SUGCT: variants seen among roughly 807,000 people sequenced by gnomAD.
The protein encoded by SUGCT is succinyl-CoA:glutarate CoA-transferase.
SUGCT carries 41 observed loss-of-function variants against 55.0 expected under a neutral mutation model. That is an observed-to-expected ratio of 0.74 (90% CI 0.58 to 0.97). The LOEUF is 0.97. Among genes scored for constraint, SUGCT ranks in the 50% least tolerant of loss-of-function variants. SUGCT has a pLI of 0.00. For synonymous variants in SUGCT, 187 were observed against 200.4 expected, an observed-to-expected ratio of 0.93 and a Z score of 0.56; for missense variants, 568 against 547.8, an observed-to-expected ratio of 1.04 and a Z score of -0.37.
intron 7 of SUGCT, among the ~76,000 whole-genome samples, chr7:40,249,344 T>TATATAAAA (rs1172651937): frequency 7.0e-5 from 9 of 128,110 alleles, no homozygotes; most frequent in African/African-American, 2.9e-4. Flanking sequence ...TATATATATA[T>TATATAAAA]ATAATTATAT....
chr7:40,479,724 G>A (rs1790917030), intron 11 of SUGCT, among the ~76,000 whole-genome samples: 1 of 152,058 alleles, frequency 6.6e-6, no homozygotes, highest in Non-Finnish European at 1.5e-5. Flanking sequence ...TAACAGATTT[G>A]AGGTGATATC....
At chr7:40,804,288 A>T (rs1790974099) in intron 13 of SUGCT, among the ~76,000 whole-genome samples, 1 of 152,186 alleles carries the variant, frequency 6.6e-6, no homozygotes, top group Non-Finnish European at 1.5e-5. Flanking sequence ...GCATTGATCT[A>T]GTTCTTTTAT....
chr7:41,012,698 T>C, the SUGCT span, among the ~76,000 whole-genome samples: 15 of 152,060 alleles, frequency 9.9e-5, no homozygotes, highest in Admixed American at 6.6e-4. Context: ...CTAAGATTCA[T>C]GGACATTTAG....
chr7:40,681,468 C>T (rs1784240274), intron 12 of SUGCT, among the ~76,000 whole-genome samples: 1 of 152,126 alleles, frequency 6.6e-6, no homozygotes, highest in Admixed American at 6.6e-5. Context: ...CTGGGGCCCA[C>T]TTTCTCCGTA....
At chr7:40,137,242 G>A (rs1430430836) in intron 1 of SUGCT, among the ~76,000 whole-genome samples, 2 of 152,098 alleles carry the variant, frequency 1.3e-5, no homozygotes, top group South Asian at 2.1e-4. Flanking sequence ...ATCTTCCCAC[G>A]TCAGTCTCCC....
chr7:40,646,121 A>T (rs1414192550), intron 12 of SUGCT, among the ~76,000 whole-genome samples: 1 of 152,170 alleles, frequency 6.6e-6, no homozygotes, highest in African/African-American at 2.4e-5. Flanking sequence ...TCAAGCAAGA[A>T]TCCTAGCAAT....
intron 9 of SUGCT, among the ~76,000 whole-genome samples, chr7:40,374,053 C>T (rs906511889): frequency 1.3e-5 from 2 of 152,086 alleles, no homozygotes; most frequent in African/African-American, 4.8e-5. Context: ...AGTGAATCTA[C>T]TGAGTTACAT....
rs138767760 is a variant in SUGCT at position 40,845,054 on chromosome 7, G to GTT, written c.1154-15260_1154-15259dup. ...ATCTAGTGGGTTTTGGTTTTTGGTG[G>GTT]TTTATTTTTTATTTTTTATTTTTGT... On this transcript the variant is annotated intron_variant, in intron 13 of 13. Coordinates refer to ENST00000335693, the MANE Select transcript of SUGCT (RefSeq NM_001193313.2). Among the ~76,000 whole-genome samples, 293 of 151,442 alleles carry GTT rather than the reference G, an allele frequency of 1.9e-3. 5 individuals carry two copies. The South Asian group carries it at 0.038, about 20-fold the overall frequency.
intron 7 of SUGCT, among the ~76,000 whole-genome samples, chr7:40,272,746 G>A (rs1425318270): frequency 1.3e-5 from 2 of 149,972 alleles, no homozygotes; most frequent in Admixed American, 6.7e-5. Context: ...TGCAGCCTCC[G>A]CCTCCCGGGT....
intron 12 of SUGCT, among the ~76,000 whole-genome samples, chr7:40,629,933 A>C (rs891467185): frequency 6.6e-6 from 1 of 152,226 alleles, no homozygotes; most frequent in African/African-American, 2.4e-5. Flanking sequence ...GAAAGGAGAC[A>C]TTCTAAATTT....
At chr7:40,921,838 G>A in the SUGCT span, among the ~76,000 whole-genome samples, 5 of 152,280 alleles carry the variant, frequency 3.3e-5, no homozygotes, top group East Asian at 9.7e-4. Flanking sequence ...AAAGGCTCTA[G>A]ACTGGAGCTG....
At chr7:41,019,420 C>T in the SUGCT span, among the ~76,000 whole-genome samples, 2 of 152,152 alleles carry the variant, frequency 1.3e-5, no homozygotes, top group African/African-American at 4.8e-5. Context: ...TATAATGTAA[C>T]TCTTAAAGGA....
chr7:40,533,135 G>T (rs1794182702), intron 12 of SUGCT, among the ~76,000 whole-genome samples: 1 of 151,992 alleles, frequency 6.6e-6, no homozygotes, highest in Admixed American at 6.6e-5. Context: ...TGAATTTTGT[G>T]TTAAAAACAG....
chr7:40,501,264 T>A (rs1792268715), intron 12 of SUGCT, among the ~76,000 whole-genome samples: 1 of 152,166 alleles, frequency 6.6e-6, no homozygotes, highest in African/African-American at 2.4e-5. Flanking sequence ...CTGGGTGTAA[T>A]ATTTTAAGTA....
At chr7:40,229,102 G>C (rs1315898090) in intron 6 of SUGCT, among the ~76,000 whole-genome samples, 2 of 152,324 alleles carry the variant, frequency 1.3e-5, no homozygotes, top group East Asian at 3.9e-4. Flanking sequence ...TTCAAGGACT[G>C]TTAGTTCCTC....
chr7:40,286,220 T>C (rs543185913), intron 8 of SUGCT, among the ~76,000 whole-genome samples: 1 of 152,234 alleles, frequency 6.6e-6, no homozygotes, highest in East Asian at 1.9e-4. Context: ...TAATTAGTAA[T>C]AAATGTACAT....
intron 12 of SUGCT, among the ~76,000 whole-genome samples, chr7:40,630,169 C>T (rs1336799103): frequency 6.6e-6 from 1 of 152,248 alleles, no homozygotes; most frequent in Non-Finnish European, 1.5e-5. Flanking sequence ...TACAGGGAAA[C>T]CTGTCTCCTG....
chr7:40,882,001 G>C, the SUGCT span, among the ~76,000 whole-genome samples: 1 of 152,128 alleles, frequency 6.6e-6, no homozygotes, highest in Non-Finnish European at 1.5e-5. Flanking sequence ...CTCTGAGAAA[G>C]GTCCCTTTTC....
At chr7:41,023,068 TG>T in the SUGCT span, among the ~76,000 whole-genome samples, 1 of 152,310 alleles carries the variant, frequency 6.6e-6, no homozygotes, top group African/African-American at 2.4e-5. Context: ...TGATGTGAGC[TG>T]AAGTGGTGTG....
Sources: allele counts gnomAD v4.1 joint callset (sites outside exome capture counted in the v4.1 genomes callset), GRCh38; gene constraint gnomAD v4.1.1; transcripts MANE v1.5; gene names NCBI Gene and HGNC (gene_info 2026-07-23, HGNC 2026-07-21).